The following ATP6V1C2 variants were observed in gnomAD, a reference collection of about 807,000 sequenced individuals.
The protein encoded by ATP6V1C2 is ATPase H+ transporting V1 subunit C2.
ATP6V1C2 carries 45 observed loss-of-function variants against 56.8 expected under a neutral mutation model. That is an observed-to-expected ratio of 0.79 (90% confidence interval 0.62 to 1.02). The LOEUF (loss-of-function observed/expected upper bound fraction) is 1.02. ATP6V1C2 is among the 50% of genes least tolerant of loss of function. The pLI, the probability that ATP6V1C2 is intolerant of heterozygous loss-of-function variation, is 0.00. For synonymous variants in ATP6V1C2, 220 were observed against 201.3 expected (o/e 1.09, Z -0.79); for missense variants, 463 against 519.7 (o/e 0.89, Z 1.06).
At chr2:10,764,508 C>A in intron 5 of ATP6V1C2, 83 bp downstream of exon 5, 1 of 1,186,468 alleles carries the variant, frequency 8.4e-7, no homozygotes, top group Non-Finnish European at 1.2e-6. Context: ...CTGCCAACAG[C>A]CTCAGCCTGT....
In ATP6V1C2 at chr2:10,784,037, C is replaced by T. The variant is rs985687783; in HGVS notation, c.*774C>T. The T allele has an allele frequency of 9.9e-5, 38 of 383,984 alleles. No homozygotes were observed. The highest frequency in any genetic ancestry group is 1.4e-4 in the Non-Finnish European group (31 of 215,900). 23.8% of individuals were successfully genotyped at this position (383,984 alleles called of 1,614,324 possible). On this transcript the variant is annotated 3_prime_UTR_variant, in exon 14 of 14. Transcript: ENST00000272238. ...CTTCAAAATATTATGTGACAGAATA[C>T]GACTCAATTCACCGGCTACAACAAT...
At chr2:10,773,101 G>T (rs916878200) in intron 8 of ATP6V1C2, among the ~76,000 whole-genome samples, 1 of 152,212 alleles carries the variant, frequency 6.6e-6, no homozygotes, top group African/African-American at 2.4e-5. Flanking sequence ...TGTCCATCAC[G>T]GGACACTGCA....
intron 3 of ATP6V1C2, among the ~76,000 whole-genome samples, chr2:10,739,289 TAAA>T (rs1662420464): frequency 1.0e-5 from 1 of 95,364 alleles, no homozygotes; most frequent in Non-Finnish European, 2.6e-5. Flanking sequence ...GTCTCAAAAA[TAAA>T]TAAATAAATA....
chr2:10,729,708 C>G (rs1286979879), intron 3 of ATP6V1C2, among the ~76,000 whole-genome samples: 2 of 152,122 alleles, frequency 1.3e-5, no homozygotes, highest in East Asian at 3.9e-4. Context: ...GTAAAAAATA[C>G]TAGCTGGCTG....
At chr2:10,741,434 AAC>A (rs34565692) in intron 3 of ATP6V1C2, among the ~76,000 whole-genome samples, 149,857 of 152,218 alleles carry the variant, frequency 0.98, 73,811 homozygotes, top group Non-Finnish European at 1. Flanking sequence ...GGAGGCAGGG[AAC>A]ACAGGGTCCC....
intron 3 of ATP6V1C2, among the ~76,000 whole-genome samples, chr2:10,737,331 G>A (rs544084647): frequency 6.6e-6 from 1 of 151,358 alleles, no homozygotes; most frequent in African/African-American, 2.4e-5. Context: ...TAGGGAGGCT[G>A]AGGCTGGAGC....
At chr2:10,778,001 G>A (rs1392466402) in intron 11 of ATP6V1C2, among the ~76,000 whole-genome samples, 1 of 151,592 alleles carries the variant, frequency 6.6e-6, no homozygotes, top group Non-Finnish European at 1.5e-5. Flanking sequence ...TGGCTGGGGT[G>A]GTGGTTGGCA....
chr2:10,784,940 A>G lies in ATP6V1C2; in HGVS notation c.*1677A>G. The G allele has an allele frequency of 1.3e-6, 2 of 1,582,108 alleles. No homozygotes were observed. Among genetic ancestry groups the G allele is most frequent in the Non-Finnish European group, 1.7e-6 (2 of 1,162,272 alleles). ...TTCCCTCCCGGGCACTCACCTCGCC[A>G]TCCCTGCCGTCCCAAGGCTCTCTCT... On this transcript the variant is annotated 3_prime_UTR_variant, in exon 14 of 14. Transcript: ENST00000272238.
At chr2:10,767,248 C>T (rs1395905272) in intron 5 of ATP6V1C2, among the ~76,000 whole-genome samples, 1 of 148,372 alleles carries the variant, frequency 6.7e-6, no homozygotes, top group African/African-American at 2.5e-5. Context: ...GCAGCCTCCA[C>T]CTCCCTGGTT....
intron 12 of ATP6V1C2, among the ~76,000 whole-genome samples, chr2:10,781,150 G>C (rs1665324690): frequency 6.6e-6 from 1 of 152,158 alleles, no homozygotes; most frequent in African/African-American, 2.4e-5. Flanking sequence ...AAGGTTAAGG[G>C]CTGGAGCGTA....
intron 8 of ATP6V1C2, among the ~76,000 whole-genome samples, chr2:10,774,227 C>G (rs985296823): frequency 6.6e-6 from 1 of 152,202 alleles, no homozygotes; most frequent in Non-Finnish European, 1.5e-5. Context: ...GCTGTGAGAT[C>G]GTGTCTGGGC....
At position 10,782,229 on chromosome 2, in the gene ATP6V1C2, G is replaced by C. The variant is rs778418019; in HGVS notation, c.1062-14G>C. 1 of 1,613,530 alleles carries C rather than the reference G, an allele frequency of 6.2e-7. No homozygotes were observed. The highest frequency in any genetic ancestry group is 8.5e-7 in the Non-Finnish European group (1 of 1,179,798). Reference sequence around the variant, plus strand: ...TTGGAGCAGTGAACTGACACATTTTGTCTATCTGAAAAGGTATGGACTACC... The same window carrying C: ...TTGGAGCAGTGAACTGACACATTTTCTCTATCTGAAAAGGTATGGACTACC... On this transcript the variant is annotated splice_polypyrimidine_tract_variant and intron_variant, in intron 12 of 13. Coordinates refer to ENST00000272238, the MANE Select transcript of ATP6V1C2 (RefSeq NM_001039362.2).
At chr2:10,723,873 AT>A (rs75001970) in intron 2 of ATP6V1C2, among the ~76,000 whole-genome samples, 49,706 of 148,618 alleles carry the variant, frequency 0.33, 9,207 homozygotes, top group East Asian at 0.64. Context: ...GACATGTGCA[AT>A]TTTTTTCCCC....
intron 6 of ATP6V1C2, 40 bp downstream of exon 6, chr2:10,768,850 C>T (rs764867811): frequency 1.3e-6 from 2 of 1,565,108 alleles, no homozygotes; most frequent in African/African-American, 1.4e-5. Context: ...GGGGGCAGGT[C>T]CTGGCGGGGG....
intron 4 of ATP6V1C2, among the ~76,000 whole-genome samples, chr2:10,762,014 C>T (rs541263604): frequency 1.3e-5 from 2 of 152,366 alleles, no homozygotes; most frequent in East Asian, 1.9e-4. Context: ...CCTGCCTGGG[C>T]CCTGCAGGGC....
intron 4 of ATP6V1C2, among the ~76,000 whole-genome samples, chr2:10,761,069 G>A (rs1335787771): frequency 6.6e-6 from 1 of 152,202 alleles, no homozygotes; most frequent in Non-Finnish European, 1.5e-5. Flanking sequence ...CACAAGGAGT[G>A]GAGTTCAGGC....
intron 3 of ATP6V1C2, among the ~76,000 whole-genome samples, chr2:10,747,687 C>A (rs1285705348): frequency 6.9e-6 from 1 of 145,276 alleles, no homozygotes; most frequent in Non-Finnish European, 1.5e-5. Context: ...CAGCAAGACA[C>A]CATCTCTTTG....
intron 4 of ATP6V1C2, chr2:10,757,389 T>A (rs1663620128): frequency 2.5e-6 from 1 of 397,188 alleles, no homozygotes; most frequent in South Asian, 1.3e-4. Context: ...GCTTTGTATG[T>A]CTATATGGCT....
rs569479849 is a variant in ATP6V1C2, at chr2:10,768,855, C to T, written c.470+45C>T. On this transcript the variant is annotated intron_variant, in intron 6 of 13. Coordinates refer to ENST00000272238, the MANE Select transcript of ATP6V1C2 (RefSeq NM_001039362.2). ...CACATCTGGCGGGGGCAGGTCCTGG[C>T]GGGGGCTTAGCGCTTGCCTGTCCTC... The T allele has an allele frequency of 9.7e-5, 151 of 1,550,360 alleles. No individual in the cohort carries two copies. In the South Asian group the frequency reaches 1.1e-3, roughly 11 times the overall value.
Sources: allele counts gnomAD v4.1 joint callset (sites outside exome capture counted in the v4.1 genomes callset), GRCh38; gene constraint gnomAD v4.1.1; transcripts MANE v1.5; gene names NCBI Gene and HGNC (gene_info 2026-07-23, HGNC 2026-07-21).